The following CRIP2 variants were observed in gnomAD, a reference collection of about 807,000 sequenced individuals.
CRIP2 encodes the protein cysteine rich protein 2.
Under a neutral mutation model 31.3 loss-of-function variants are expected in CRIP2, and 31 were observed. That is an observed-to-expected ratio of 0.99 (90% CI 0.74 to 1.34). The LOEUF is 1.34. Among genes scored for constraint, CRIP2 ranks in the 40% most tolerant of loss-of-function variants. The probability of loss-of-function intolerance (pLI) is 0.00; values close to 1 mark genes in which losing one functional copy is unlikely to be tolerated. For synonymous variants in CRIP2, 177 were observed against 127.2 expected (o/e 1.39, Z -2.63); for missense variants, 389 against 301.6 (o/e 1.29, Z -2.15).
At position 105,474,925 on chromosome 14, in the gene CRIP2, C is replaced by T. The variant is rs1379216030; in HGVS notation, c.43+20C>T. ...ACTTCGGTGAGTGCGTGCCCGCTCC[C>T]GGCCCGCTCGGTGCATCCCGCCGCC... On this transcript the variant is annotated intron_variant, in intron 1 of 7. Transcript: ENST00000329146. The surrounding 1 kb of genome is among the most constrained non-coding windows in gnomAD (Gnocchi z 5.1). The T allele has an allele frequency of 8.0e-6, 12 of 1,500,766 alleles. No individual in the cohort carries two copies. In the East Asian group the frequency reaches 3.3e-4, roughly 41 times the overall value. 93.0% of individuals were successfully genotyped at this position (1,500,766 alleles called of 1,614,324 possible).
At position 105,479,664 on chromosome 14, in the gene CRIP2, C is replaced by A. The variant is rs781979606; in HGVS notation, c.*11C>A. The A allele has an allele frequency of 1.2e-6, 2 of 1,610,062 alleles. No individual in the cohort carries two copies. Among genetic ancestry groups the A allele is most frequent in the Non-Finnish European group, 8.5e-7 (1 of 1,178,868 alleles). On this transcript the variant is annotated 3_prime_UTR_variant, in exon 8 of 8. Coordinates refer to ENST00000329146, the MANE Select transcript of CRIP2 (RefSeq NM_001312.4). ...AAGGTCCAGCCCTAGGCTACAGCGG[C>A]TCTCATGATGTGGGCTCACCTGCGC...
chr14:105,476,269 C>G (rs2083930846), intron 1 of CRIP2: 2 of 985,408 alleles, frequency 2.0e-6, no homozygotes, highest in South Asian at 9.4e-5. Context: ...CCCGGAAAGG[C>G]CTGCCTGCCT....
At chr14:105,479,374 C>A in intron 6 of CRIP2, 62 bp from the exon 7 acceptor site, 1 of 1,606,482 alleles carries the variant, frequency 6.2e-7, no homozygotes, top group South Asian at 1.1e-5. Context: ...TTCTGGAAGC[C>A]TCCAGGTGAT....
intron 1 of CRIP2, chr14:105,477,609 A>G: frequency 1.1e-6 from 1 of 898,014 alleles, no homozygotes. Flanking sequence ...CAGGTGTGTG[A>G]GTGTAAGAGA....
Position 105,478,232 on chromosome 14 carries a change from C to G in CRIP2, c.44-34C>G. Reference sequence around the variant, plus strand: ...GGCGGAGGGGGTGCGGGGCGCGCCCCGGCCCTGACCCCCCTGCCGCCCCTC... The same window carrying G: ...GGCGGAGGGGGTGCGGGGCGCGCCCGGGCCCTGACCCCCCTGCCGCCCCTC... On this transcript the variant is annotated intron_variant, in intron 1 of 7. Coordinates refer to ENST00000329146, the MANE Select transcript of CRIP2 (RefSeq NM_001312.4). This position sits in a 1 kb window ranked among gnomAD's most constrained non-coding sequence, Gnocchi z 4.9. The G allele has an allele frequency of 2.0e-6, 3 of 1,476,744 alleles. No individual in the cohort carries two copies. The highest frequency in any genetic ancestry group is 2.7e-6 in the Non-Finnish European group (3 of 1,111,838). 91.5% of individuals were successfully genotyped at this position (1,476,744 alleles called of 1,614,324 possible).
intron 5 of CRIP2, 33 bp downstream of exon 5, chr14:105,479,080 C>T (rs782592903): frequency 1.9e-6 from 3 of 1,584,322 alleles, no homozygotes; most frequent in Admixed American, 3.5e-5. Flanking sequence ...GACCCCCGCC[C>T]CCGCCCCCGC....
chr14:105,473,732 G>A (rs1188317779), upstream of CRIP2, among the ~76,000 whole-genome samples: 1 of 152,194 alleles, frequency 6.6e-6, no homozygotes, highest in Non-Finnish European at 1.5e-5. Context: ...GGCTCTACGG[G>A]GCTCTAGGGC....
At chr14:105,475,980 G>T in intron 1 of CRIP2, 1 of 985,602 alleles carries the variant, frequency 1.0e-6, no homozygotes, top group Non-Finnish European at 1.2e-6. Flanking sequence ...GGCTGGAGGG[G>T]GTTGAGGGGA....
chr14:105,473,081 A>T, upstream of CRIP2: 2 of 756,758 alleles, frequency 2.6e-6, no homozygotes, highest in Non-Finnish European at 4.2e-6. Context: ...CAGGGAGGGT[A>T]ATGGCTTAGC....
chr14:105,477,665 G>A, intron 1 of CRIP2: 1 of 579,176 alleles, frequency 1.7e-6, no homozygotes, highest in Non-Finnish European at 2.0e-6. Flanking sequence ...ATGTGTGGGG[G>A]GAGGCAGGTG....
chr14:105,478,346 G>C lies in CRIP2; in HGVS notation c.124G>C (p.Gly42Arg). 6.4e-7 allele frequency: 1 copy of C among 1,558,678 alleles called. No individual in the cohort carries two copies. Among genetic ancestry groups the C allele is most frequent in the South Asian group, 1.2e-5 (1 of 84,716 alleles). ...GCGCTGCAGCAAGACGCTGACGCCCGGGGGCCACGCCGAGGTGAGCCCCAC... is the reference window on the plus strand; with the variant it reads ...GCGCTGCAGCAAGACGCTGACGCCCCGGGGCCACGCCGAGGTGAGCCCCAC... ...CERCSKTLTP[G>R]GHAEHDGKPF... Residue 42 changes from glycine (G) to arginine (R), a missense_variant, in exon 2 of 8, where the codon GGG (glycine) becomes CGG (arginine). By Grantham distance (125) the Gly-to-Arg change is moderately radical (BLOSUM62 -2). Coordinates refer to ENST00000329146, the MANE Select transcript of CRIP2 (RefSeq NM_001312.4). The surrounding 1 kb of genome is among the most constrained non-coding windows in gnomAD (Gnocchi z 4.9).
chr14:105,478,344 C>T lies in CRIP2; in HGVS notation c.122C>T (p.Pro41Leu), dbSNP rs1555436354. The T allele has an allele frequency of 1.9e-6, 3 of 1,561,640 alleles. No individual in the cohort carries two copies. Among genetic ancestry groups the T allele is most frequent in the South Asian group, 1.2e-5 (1 of 85,040 alleles). Residue 41 changes from proline to leucine, a missense_variant, in exon 2 of 8, where the codon CCC becomes CTC. Physicochemically the swap from Pro to Leu is moderately conservative, Grantham distance 98. Coordinates refer to ENST00000329146, the MANE Select transcript of CRIP2 (RefSeq NM_001312.4). The surrounding 1 kb of genome is among the most constrained non-coding windows in gnomAD (Gnocchi z 4.9). ...GAGCGCTGCAGCAAGACGCTGACGCCCGGGGGCCACGCCGAGGTGAGCCCC... is the reference window on the plus strand; with the variant it reads ...GAGCGCTGCAGCAAGACGCTGACGCTCGGGGGCCACGCCGAGGTGAGCCCC... ...KCERCSKTLTPGGHAEHDGKP... is the reference protein window; with the variant it reads ...KCERCSKTLTLGGHAEHDGKP...
At chr14:105,479,353 C>T (rs1371054414) in intron 6 of CRIP2, 83 bp from the exon 7 acceptor site, 11 of 1,583,268 alleles carry the variant, frequency 6.9e-6, no homozygotes, top group South Asian at 1.1e-5. Context: ...CACGGCGAGC[C>T]GGCCTGCACG....
chr14:105,474,535 G>C (rs1484417341), upstream of CRIP2: 4 of 149,534 alleles, frequency 2.7e-5, no homozygotes, highest in African/African-American at 9.8e-5. This position sits in a 1 kb window ranked among gnomAD's most constrained non-coding sequence, Gnocchi z 5.1. Flanking sequence ...GGCCCGGCCA[G>C]GCGGCCCCGA....
At chr14:105,479,324 G>A in intron 6 of CRIP2, 105 bp downstream of exon 6, 3 of 1,540,314 alleles carry the variant, frequency 1.9e-6, no homozygotes, top group African/African-American at 2.7e-5. Flanking sequence ...GCTTCTGGGA[G>A]CTGCGCTGCC....
At chr14:105,475,070 G>T (rs2083903601) in intron 1 of CRIP2, among the ~76,000 whole-genome samples, 165 bp downstream of exon 1, 1 of 152,200 alleles carries the variant, frequency 6.6e-6, no homozygotes, top group African/African-American at 2.4e-5. Flanking sequence ...AGCGGCTAAA[G>T]CCAAAGGGTG....
In CRIP2 at chr14:105,478,049, G is replaced by A. The variant is rs1254390068; in HGVS notation, c.44-217G>A. On this transcript the variant is annotated intron_variant, in intron 1 of 7. Transcript: ENST00000329146. The surrounding 1 kb of genome is among the most constrained non-coding windows in gnomAD (Gnocchi z 4.9). ...GCTCTAGCGGGGTTCCAGGGCTGGG[G>A]GCGCTGAGACCCAGAGGGAGAACAG... 1.3e-5 allele frequency among the ~76,000 whole-genome samples: 2 copies of A among 151,792 alleles called. No homozygotes were observed. The highest frequency in any genetic ancestry group is 2.9e-5 in the Non-Finnish European group (2 of 67,896).
chr14:105,473,113 G>C (rs1287619581), upstream of CRIP2: 3 of 1,122,682 alleles, frequency 2.7e-6, no homozygotes, highest in African/African-American at 3.1e-5. Flanking sequence ...AAGCTGGGCA[G>C]AACAGGGCAG....
Position 105,480,028 on chromosome 14 carries a change from A to C in CRIP2, c.*375A>C, listed in dbSNP as rs2141763470. 4.1e-6 allele frequency: 1 copy of C among 243,762 alleles called. No homozygotes were observed. Among genetic ancestry groups the C allele is most frequent in the East Asian group, 1.0e-4 (1 of 9,602 alleles). 15.1% of individuals were successfully genotyped at this position (243,762 alleles called of 1,614,324 possible). A position where few individuals can be genotyped will look rare whatever the true frequency, so the allele number is the denominator to read the frequency against. On this transcript the variant is annotated 3_prime_UTR_variant, in exon 8 of 8. Coordinates refer to ENST00000329146, the MANE Select transcript of CRIP2 (RefSeq NM_001312.4). ...CTTCGTGGGTGATGGCCACGCCCTC[A>C]CCATGTCCCTGGCAGAGGGCTTCCC...
Sources: allele counts gnomAD v4.1 joint callset (sites outside exome capture counted in the v4.1 genomes callset), GRCh38; gene constraint gnomAD v4.1.1; non-coding constraint Gnocchi (gnomAD v3.1); transcripts MANE v1.5; gene names NCBI Gene and HGNC (gene_info 2026-07-23, HGNC 2026-07-21).